The following INTS2 variants were observed in gnomAD, a reference collection of about 807,000 sequenced individuals.
INTS2 encodes KIAA1287.
In INTS2, 57 loss-of-function variants were observed where a neutral mutation model predicts 139.6. The ratio of observed to expected loss-of-function variants is 0.41; its 90% CI spans 0.33 to 0.51. The LOEUF is 0.51. INTS2 is among the 20% of genes least tolerant of loss of function. The pLI, the probability that INTS2 is intolerant of heterozygous loss-of-function variation, is 0.28. For missense variants in INTS2, 1,196 were observed against 1,436.7 expected, an observed-to-expected ratio of 0.83 and a Z score of 2.71; for synonymous variants, 473 against 493.4, an observed-to-expected ratio of 0.96 and a Z score of 0.55.
intron 5 of INTS2, among the ~76,000 whole-genome samples, chr17:61,913,580 T>C (rs1383072361): frequency 6.6e-6 from 1 of 152,174 alleles, no homozygotes; most frequent in Non-Finnish European, 1.5e-5. Flanking sequence ...CCTCCCAAAG[T>C]GCTGGGATTA....
chr17:61,885,031 A>G, intron 15 of INTS2, 26 bp from the exon 16 acceptor site: 1 of 1,425,358 alleles, frequency 7.0e-7, no homozygotes, highest in Non-Finnish European at 9.7e-7. Flanking sequence ...AGTGTAAAAT[A>G]AATAAAATGT....
At chr17:61,895,254 T>C (rs2079335353) in intron 12 of INTS2, 61 bp downstream of exon 12, 1 of 936,976 alleles carries the variant, frequency 1.1e-6, no homozygotes, top group Non-Finnish European at 1.6e-6. Context: ...ACACACAAGT[T>C]TTCTCCCAAA....
At chr17:61,904,011 A>C (rs2079435297) in intron 9 of INTS2, among the ~76,000 whole-genome samples, 1 of 152,240 alleles carries the variant, frequency 6.6e-6, no homozygotes, top group Non-Finnish European at 1.5e-5. Context: ...TAAGAAAGAT[A>C]AAATAGGAAG....
rs2079095328 is a variant in INTS2, at chr17:61,872,289, C to A, written c.2754G>T (p.Leu918Phe). 1 of 1,609,834 alleles carries A rather than the reference C, an allele frequency of 6.2e-7. No homozygotes were observed. Residue 918 changes from leucine to phenylalanine, a missense_variant, in exon 20 of 25, where the codon TTG becomes TTT. Leu to Phe is a conservative substitution (Grantham distance 22). Transcript: ENST00000251334. This position sits in a 1 kb window ranked among gnomAD's most constrained non-coding sequence, Gnocchi z 4.8. ...TDAPEVTREELKNALLAAQDS... is the reference protein window; with the variant it reads ...TDAPEVTREEFKNALLAAQDS... ...CCTGAGCGGCCAGTAATGCATTTTT[C>A]AATTCTTCCCTGGTAACTTCCGGAG...
At chr17:61,914,052 T>C (rs1385498961) in intron 5 of INTS2, among the ~76,000 whole-genome samples, 1 of 151,768 alleles carries the variant, frequency 6.6e-6, no homozygotes, top group African/African-American at 2.4e-5. Context: ...AAATGGTCTA[T>C]GTATACAGTC....
intron 9 of INTS2, among the ~76,000 whole-genome samples, chr17:61,899,626 T>C (rs2079384562): frequency 6.6e-6 from 1 of 151,808 alleles, no homozygotes; most frequent in Non-Finnish European, 1.5e-5. Context: ...AAATACCTTA[T>C]AAGGCTGGGC....
intron 5 of INTS2, among the ~76,000 whole-genome samples, chr17:61,918,672 A>G (rs1450535440): frequency 6.6e-6 from 1 of 152,184 alleles, no homozygotes; most frequent in East Asian, 1.9e-4. Context: ...TTTTATTTTT[A>G]TATCACTCAT....
At position 61,924,873 on chromosome 17, in the gene INTS2, C is replaced by A. The variant is rs571757455; in HGVS notation, c.432+88G>T. ...TAAGAGTAGAGGAGAATTCAACCTG[C>A]CTGACTTCTTGTCTCTTTTTCTGTC... On this transcript the variant is annotated intron_variant, in intron 3 of 24. Transcript: ENST00000251334. 2.2e-6 allele frequency: 3 copies of A among 1,343,960 alleles called. No individual in the cohort carries two copies. The African/African-American group carries it at 4.4e-5, about 20-fold the overall frequency. 83.3% of individuals were successfully genotyped at this position (1,343,960 alleles called of 1,614,324 possible). A position where few individuals can be genotyped will look rare whatever the true frequency, so the allele number is the denominator to read the frequency against.
At position 61,893,893 on chromosome 17, in the gene INTS2, T is replaced by G. The variant is rs1235065997; in HGVS notation, c.1570A>C (p.Thr524Pro). The change falls in exon 13 of 25, where the codon ACA (threonine) becomes CCA (proline). Residue 524 changes from threonine (T) to proline (P), a missense_variant. By Grantham distance (38) the Thr-to-Pro change is conservative. Around this residue, in one of 3 missense-constraint regions of INTS2, gnomAD observed 1,129 missense variants for 1,341.9 expected, o/e 0.84. Coordinates refer to ENST00000251334, the MANE Select transcript of INTS2 (RefSeq NM_001351695.2). This position sits in a 1 kb window ranked among gnomAD's most constrained non-coding sequence, Gnocchi z 5.4. ...ACAGGGACCCGAACTGCATGAGCTG[T>G]GACAACCTAAAAGGGAAAAATAGCA... ...TQEIFTEQVV[T>P]AHAVRVPVTS... The G allele has an allele frequency of 2.6e-6, 4 of 1,562,182 alleles. No homozygotes were observed. Among genetic ancestry groups the G allele is most frequent in the Non-Finnish European group, 3.5e-6 (4 of 1,152,668 alleles).
rs373807163 is a variant in INTS2 at position 61,878,075 on chromosome 17, G to A, written c.2268C>T (p.Val756=). ...GCATCACTTGTGTGTTATTTACTGG[G>A]ACAGCTGAAAATGCTAAAAAGAAAA... ...PKQLQEAFSA[V]PVNNTQVMQI... Residue 756 remains valine (V), a synonymous_variant, in exon 18 of 25, where the codon GTC becomes GTT. Transcript: ENST00000251334. The A allele has an allele frequency of 6.2e-7, 1 of 1,608,314 alleles. No individual in the cohort carries two copies. Among genetic ancestry groups the A allele is most frequent in the African/African-American group, 1.3e-5 (1 of 74,802 alleles).
In INTS2 at chr17:61,897,192, GAACA is replaced by G. The variant is rs935360701; in HGVS notation, c.1494+273_1494+276del. Among the ~76,000 whole-genome samples, 3 of 151,982 alleles carry G rather than the reference GAACA, an allele frequency of 2.0e-5. No individual in the cohort carries two copies. The highest frequency in any genetic ancestry group is 4.8e-5 in the African/African-American group (2 of 41,370). ...AAATATGTACGTCACTTTAAAGAAAGAACAGACATCAGAATATTAATAGTAGTAT... is the reference window on the plus strand; with the variant it reads ...AAATATGTACGTCACTTTAAAGAAAGGACATCAGAATATTAATAGTAGTAT... On this transcript the variant is annotated intron_variant, in intron 11 of 24. Transcript: ENST00000251334. This position sits in a 1 kb window ranked among gnomAD's most constrained non-coding sequence, Gnocchi z 4.4.
rs533508079 is a variant in INTS2 at position 61,875,612 on chromosome 17, A to C, written c.2457-574T>G. 6.6e-6 allele frequency among the ~76,000 whole-genome samples: 1 copy of C among 152,300 alleles called. No individual in the cohort carries two copies. Among genetic ancestry groups the C allele is most frequent in the South Asian group, 2.1e-4 (1 of 4,832 alleles). On this transcript the variant is annotated intron_variant, in intron 18 of 24. Coordinates refer to ENST00000251334, the MANE Select transcript of INTS2 (RefSeq NM_001351695.2). This position sits in a 1 kb window ranked among gnomAD's most constrained non-coding sequence, Gnocchi z 4.6. ...CAGAAGGTACTTGATCTTACAGTGA[A>C]GCCCAGGAATCCACCAGAGAACTTC...
At chr17:61,884,068 GA>G (rs1429839578) in intron 16 of INTS2, among the ~76,000 whole-genome samples, 1 of 151,490 alleles carries the variant, frequency 6.6e-6, no homozygotes, top group Middle Eastern at 3.2e-3. Flanking sequence ...TACTTAACAG[GA>G]TTTATAGTAA....
rs1718853383 is a variant in INTS2, at chr17:61,872,688, A to C, written c.2583-228T>G. Among the ~76,000 whole-genome samples, 1 of 152,206 alleles carries C rather than the reference A, an allele frequency of 6.6e-6. No homozygotes were observed. Among genetic ancestry groups the C allele is most frequent in the African/African-American group, 2.4e-5 (1 of 41,452 alleles). On this transcript the variant is annotated intron_variant, in intron 19 of 24. Coordinates refer to ENST00000251334, the MANE Select transcript of INTS2 (RefSeq NM_001351695.2). The surrounding 1 kb of genome is among the most constrained non-coding windows in gnomAD (Gnocchi z 4.8). ...TTGTTTCATCTTATCAGCTAAAGTCAAATATGTATAATGTAAATTCTAAAG... is the reference window on the plus strand; with the variant it reads ...TTGTTTCATCTTATCAGCTAAAGTCCAATATGTATAATGTAAATTCTAAAG...
At position 61,869,187 on chromosome 17, in the gene INTS2, G is replaced by T; in HGVS notation, c.3139-48C>A. On this transcript the variant is annotated intron_variant, in intron 22 of 24. Coordinates refer to ENST00000251334, the MANE Select transcript of INTS2 (RefSeq NM_001351695.2). This position sits in a 1 kb window ranked among gnomAD's most constrained non-coding sequence, Gnocchi z 5.4. ...TACATGTTTCTCAAGAATATCTTTA[G>T]GTATTAAAAATTATAAAATGTTTTG... is the stretch of plus-strand genomic sequence containing the variant. 1 of 1,472,222 alleles carries T rather than the reference G, an allele frequency of 6.8e-7. No homozygotes were observed. Among genetic ancestry groups the T allele is most frequent in the South Asian group, 1.2e-5 (1 of 86,450 alleles). The allele number at this position is 1,472,222 out of a possible 1,614,324, so 91.2% of individuals were successfully genotyped here. A position where few individuals can be genotyped will look rare whatever the true frequency, so the allele number is the denominator to read the frequency against.
In INTS2 at chr17:61,904,489, A is replaced by G. The variant is rs2143063106; in HGVS notation, c.1278T>C (p.Cys426=). The G allele has an allele frequency of 6.2e-7, 1 of 1,611,608 alleles. No homozygotes were observed. The highest frequency in any genetic ancestry group is 1.7e-4 in the Middle Eastern group (1 of 6,060). The change falls in exon 9 of 25, where the codon TGT becomes TGC. Residue 426 remains cysteine (C), a synonymous_variant. Coordinates refer to ENST00000251334, the MANE Select transcript of INTS2 (RefSeq NM_001351695.2). ...CAAGTGTAGAAAAGGCCAGTAGCAT[A>G]CAAAAGGAAAGTGAAACAAAGCGAA... The part of the protein sequence containing the change: ...AGVRFVSLSF[C]MLLAFSTLVS...
chr17:61,877,939 G>C lies in INTS2; in HGVS notation c.2404C>G (p.Leu802Val). The C allele has an allele frequency of 6.2e-7, 1 of 1,613,852 alleles. No homozygotes were observed. Among genetic ancestry groups the C allele is most frequent in the Non-Finnish European group, 8.5e-7 (1 of 1,179,782 alleles). The change falls in exon 18 of 25, where the codon CTG becomes GTG. Residue 802 changes from leucine (L) to valine (V), a missense_variant. This residue lies in a region of INTS2 where 1,129 missense variants were observed against 1,341.9 expected (regional missense o/e 0.84). Transcript: ENST00000251334. Reference sequence around the variant, plus strand: ...ATCCATAGTTTATTGACTGTTTGCAGAATTCTCCGTGGAACCCCTGAATTC... The same window carrying C: ...ATCCATAGTTTATTGACTGTTTGCACAATTCTCCGTGGAACCCCTGAATTC... ...LLNSGVPRRI[L>V]QTVNKLWMVL...
chr17:61,901,613 T>C (rs1325217117), intron 9 of INTS2, among the ~76,000 whole-genome samples: 1 of 108,970 alleles, frequency 9.2e-6, no homozygotes, highest in South Asian at 3.5e-4. Flanking sequence ...TTTTTTTTTT[T>C]TTCTGAGATG....
chr17:61,905,390 A>G (rs1269492286), intron 8 of INTS2, among the ~76,000 whole-genome samples: 1 of 152,212 alleles, frequency 6.6e-6, no homozygotes, highest in African/African-American at 2.4e-5. Context: ...GCAGTGGCAC[A>G]ATCTCGGCTC....
Sources: gnomAD v4.1 joint callset for allele counts (sites outside exome capture counted in the v4.1 genomes callset) on GRCh38, gnomAD v4.1.1 for gene constraint, gnomAD v4.1.1 regional missense constraint, Gnocchi (gnomAD v3.1) non-coding constraint, MANE v1.5 for transcripts, NCBI Gene and HGNC (gene_info 2026-07-23, HGNC 2026-07-21) for gene names.